The following GPHN variants were observed in gnomAD, a reference collection of about 807,000 sequenced individuals.
GPHN encodes gephyrin.
A neutral mutation model predicts 95.5 loss-of-function variants in GPHN; 17 were observed. The observed-to-expected ratio is 0.18, with a 90% CI of 0.12 to 0.27. The LOEUF (loss-of-function observed/expected upper bound fraction) is 0.27, where lower values mean the gene tolerates loss of function less well. Among genes scored for constraint, GPHN ranks in the 10% least tolerant of loss-of-function variants. The pLI is 1.00. For synonymous variants in GPHN, 320 were observed against 322.5 expected (o/e 0.99, Z 0.08); for missense variants, 660 against 978.1 (o/e 0.67, Z 4.34).
chr14:67,532,119 G>GTT, the GPHN span, among the ~76,000 whole-genome samples: 32 of 152,242 alleles, frequency 2.1e-4, no homozygotes, highest in Admixed American at 1.6e-3. Context: ...CATTGGCCCA[G>GTT]TTAAATTCTC....
chr14:66,559,508 C>T (rs1049776577), intron 1 of GPHN, among the ~76,000 whole-genome samples: 1 of 150,978 alleles, frequency 6.6e-6, no homozygotes, highest in Non-Finnish European at 1.5e-5. Flanking sequence ...AGCATTTTTT[C>T]ATGTGTTTTT....
At chr14:67,473,879 C>T in the GPHN span, 1 of 1,611,128 alleles carries the variant, frequency 6.2e-7, no homozygotes, top group African/African-American at 1.3e-5. This position sits in a 1 kb window ranked among gnomAD's most constrained non-coding sequence, Gnocchi z 6.5. Context: ...GGATGGCATA[C>T]AGGTACCAGC....
chr14:66,568,472 A>G (rs764046572), intron 1 of GPHN, among the ~76,000 whole-genome samples: 64 of 152,296 alleles, frequency 4.2e-4, no homozygotes, highest in Non-Finnish European at 7.6e-4. Context: ...AGAGGAAAAA[A>G]GAGGAGAAAA....
chr14:67,482,320 A>G, the GPHN span, among the ~76,000 whole-genome samples: 2 of 152,238 alleles, frequency 1.3e-5, no homozygotes, highest in South Asian at 4.1e-4. Flanking sequence ...GGCTGAAGGC[A>G]AAACCAGATG....
In GPHN at chr14:66,745,148, A is replaced by G. The variant is rs187441726; in HGVS notation, c.144-31316A>G. The stretch of plus-strand genomic sequence containing the variant: ...CTTTTGCTGCTATTGTTATACTTCA[A>G]CTCTCTTATTTTTACAACTTTTTAT... On this transcript the variant is annotated intron_variant, in intron 2 of 22. Transcript: ENST00000478722. Among the ~76,000 whole-genome samples, 9 of 152,028 alleles carry G rather than the reference A, an allele frequency of 5.9e-5. No homozygotes were observed. The South Asian group carries it at 1.0e-3, about 18-fold the overall frequency.
chr14:66,751,686 T>C (rs918286012), intron 2 of GPHN, among the ~76,000 whole-genome samples: 4 of 152,100 alleles, frequency 2.6e-5, no homozygotes, highest in African/African-American at 9.7e-5. Context: ...GCAGAAACTC[T>C]CCATTTGTAG....
At chr14:67,731,334 C>T in the GPHN span, among the ~76,000 whole-genome samples, 1 of 151,284 alleles carries the variant, frequency 6.6e-6, no homozygotes, top group African/African-American at 2.4e-5. Context: ...CCTGCCTCAG[C>T]CTCCCGAGTA....
chr14:67,075,564 T>C (rs2076463404), intron 11 of GPHN, among the ~76,000 whole-genome samples: 1 of 152,142 alleles, frequency 6.6e-6, no homozygotes, highest in Non-Finnish European at 1.5e-5. Flanking sequence ...GCAAAGTAAA[T>C]TGAAAACTTT....
the GPHN span, chr14:67,395,515 C>T: frequency 6.2e-7 from 1 of 1,614,134 alleles, no homozygotes; most frequent in South Asian, 1.1e-5. Flanking sequence ...CCCAGGCATC[C>T]CGCTCCTCTC....
intron 2 of GPHN, among the ~76,000 whole-genome samples, chr14:66,725,716 T>C (rs903645707): frequency 6.6e-6 from 1 of 152,228 alleles, no homozygotes; most frequent in African/African-American, 2.4e-5. Flanking sequence ...ATAGTTTTAG[T>C]TGCCCCCTTC....
intron 2 of GPHN, among the ~76,000 whole-genome samples, chr14:66,771,595 A>G (rs539442062): frequency 2.0e-4 from 30 of 152,098 alleles, no homozygotes; most frequent in South Asian, 1.9e-3. Context: ...TTTATCATAT[A>G]TTAAGTTTTA....
chr14:67,154,832 A>G (rs896865410), intron 18 of GPHN, among the ~76,000 whole-genome samples: 2 of 152,194 alleles, frequency 1.3e-5, no homozygotes, highest in Admixed American at 1.3e-4. Context: ...AAGAACATCT[A>G]TAAAAACTAT....
At chr14:67,469,193 T>C in the GPHN span, among the ~76,000 whole-genome samples, 1 of 152,214 alleles carries the variant, frequency 6.6e-6, no homozygotes, top group Non-Finnish European at 1.5e-5. Flanking sequence ...CCCGATGATT[T>C]AGAAAGCACA....
the GPHN span, among the ~76,000 whole-genome samples, chr14:67,289,769 C>CTTT: frequency 1.6e-5 from 2 of 128,342 alleles, no homozygotes; most frequent in African/African-American, 3.4e-5. Flanking sequence ...TTTCCATGTC[C>CTTT]TTTTTTTTTT....
intron 4 of GPHN, among the ~76,000 whole-genome samples, chr14:66,840,514 A>G (rs945510170): frequency 6.6e-6 from 1 of 152,236 alleles, no homozygotes; most frequent in East Asian, 1.9e-4. Context: ...TTTTGTAGGC[A>G]TATGGTCTCT....
At chr14:67,129,132 T>A (rs2153696202) in intron 17 of GPHN, among the ~76,000 whole-genome samples, 1 of 152,006 alleles carries the variant, frequency 6.6e-6, no homozygotes, top group Non-Finnish European at 1.5e-5. Flanking sequence ...TTTTTTTTTT[T>A]AATATTTCTG....
the GPHN span, among the ~76,000 whole-genome samples, chr14:67,668,322 A>G: frequency 0.22 from 33,248 of 152,180 alleles, 4,377 homozygotes; most frequent in Non-Finnish European, 0.31. Context: ...AATTATGGCC[A>G]TAGGTATTTA....
At chr14:66,792,638 A>G (rs2153472348) in intron 3 of GPHN, among the ~76,000 whole-genome samples, 1 of 152,368 alleles carries the variant, frequency 6.6e-6, no homozygotes, top group Admixed American at 6.5e-5. Flanking sequence ...AGTTGACCAG[A>G]GATAGTGAGT....
the GPHN span, among the ~76,000 whole-genome samples, chr14:67,413,705 C>G: frequency 1.3e-5 from 2 of 152,184 alleles, no homozygotes; most frequent in Non-Finnish European, 2.9e-5. Flanking sequence ...TGCGTGCCAG[C>G]CCAATGGCCC....
Sources: allele counts gnomAD v4.1 joint callset (sites outside exome capture counted in the v4.1 genomes callset), GRCh38; gene constraint gnomAD v4.1.1; non-coding constraint Gnocchi (gnomAD v3.1); transcripts MANE v1.5; gene names NCBI Gene and HGNC (gene_info 2026-07-23, HGNC 2026-07-21).